Variants in CYP4F11 observed in about 807,000 individuals in gnomAD.
CYP4F11 encodes cytochrome P450 family 4 subfamily F member 11, also known as cytochrome P450 4F11.
Under a neutral mutation model 62.2 loss-of-function variants are expected in CYP4F11, and 79 were observed. The ratio of observed to expected loss-of-function variants is 1.27; its 90% CI spans 1.06 to 1.53. The LOEUF (loss-of-function observed/expected upper bound fraction) is 1.53, where lower values mean the gene tolerates loss of function less well. Ranked by LOEUF, CYP4F11 falls within the 40% of genes most tolerant of loss-of-function variation. The pLI, the probability that CYP4F11 is intolerant of heterozygous loss-of-function variation, is 0.00. For synonymous variants in CYP4F11, 290 were observed against 263.7 expected (o/e 1.10, Z -0.97); for missense variants, 777 against 680.5 (o/e 1.14, Z -1.58).
At chr19:15,927,372 C>A (rs529794880) in intron 3 of CYP4F11, 33 bp from the exon 4 acceptor site, 1 of 1,613,794 alleles carries the variant, frequency 6.2e-7, no homozygotes, top group Non-Finnish European at 8.5e-7. Context: ...TGGTCAAGGG[C>A]AGCACCCTCC....
chr19:15,923,238 C>CCTCTCTCTCTCTCTCTCTCTCT (rs3056063), intron 6 of CYP4F11, among the ~76,000 whole-genome samples: 16 of 110,510 alleles, frequency 1.4e-4, no homozygotes, highest in African/African-American at 5.0e-4. Context: ...AAGCAAACAT[C>CCTCTCTCTCTCTCTCTCTCTCT]CTCTCTCTCT....
rs1025876665 is a variant in CYP4F11 at position 15,934,477 on chromosome 19, C to T, written c.-69G>A. ...GGAAGGGCCCAGGAAGCTCCAAGGA[C>T]AGTGGAAAGGGGCAAGGATGGGCAG... On this transcript the variant is annotated 5_prime_UTR_variant, in exon 1 of 12. Transcript: ENST00000402119. 4 of 1,568,080 alleles carry T rather than the reference C, an allele frequency of 2.6e-6. No homozygotes were observed. The highest frequency in any genetic ancestry group is 2.6e-6 in the Non-Finnish European group (3 of 1,160,884).
In CYP4F11 at chr19:15,922,379, T is replaced by G. The variant is rs767635975; in HGVS notation, c.970A>C (p.Thr324Pro). 3.1e-6 allele frequency: 5 copies of G among 1,614,146 alleles called. No individual in the cohort carries two copies. The South Asian group carries it at 5.5e-5, about 18-fold the overall frequency. Residue 324 changes from threonine to proline, a missense_variant, in exon 7 of 12, where the codon ACC (threonine) becomes CCC (proline). By Grantham distance (38) the Thr-to-Pro change is conservative. Transcript: ENST00000402119. Reference protein sequence around the residue: ...SDEDIRAEADTFMFEGHDTTA... With the variant: ...SDEDIRAEADPFMFEGHDTTA... ...AGACCCTCACCCTCAAACATGAAGG[T>G]GTCAGCTTCTGCTCTTATGTCCTCA... is the stretch of plus-strand genomic sequence containing the variant.
chr19:15,934,404 G>C lies in CYP4F11; in HGVS notation c.5C>G (p.Pro2Arg), dbSNP rs371110390. Residue 2 changes from proline (P) to arginine (R), a missense_variant, in exon 1 of 12, where the codon CCG (proline) becomes CGG (arginine). Physicochemically the swap from Pro to Arg is moderately radical, Grantham distance 103 (BLOSUM62 -2). Transcript: ENST00000402119. ...GCCCAGCCAGGACAGGCTCAGCTGC[G>C]GCATCCTGCAGGGCAGACGGGATGG... M[P>R]QLSLSWLGLG... The C allele has an allele frequency of 5.0e-6, 8 of 1,612,934 alleles. No homozygotes were observed. Among genetic ancestry groups the C allele is most frequent in the African/African-American group, 1.3e-5 (1 of 74,854 alleles).
At chr19:15,927,151 A>C in intron 4 of CYP4F11, 61 bp downstream of exon 4, 1 of 1,578,866 alleles carries the variant, frequency 6.3e-7, no homozygotes. Context: ...TCCAGAGCAG[A>C]TATGCCTGTG....
chr19:15,934,467 G>A lies in CYP4F11; in HGVS notation c.-59C>T. 2 of 1,589,756 alleles carry A rather than the reference G, an allele frequency of 1.3e-6. No homozygotes were observed. Among genetic ancestry groups the A allele is most frequent in the Non-Finnish European group, 1.7e-6 (2 of 1,170,272 alleles). ...TGAGGCCCAGGGAAGGGCCCAGGAA[G>A]CTCCAAGGACAGTGGAAAGGGGCAA... On this transcript the variant is annotated 5_prime_UTR_variant, in exon 1 of 12. Coordinates refer to ENST00000402119, the MANE Select transcript of CYP4F11 (RefSeq NM_021187.4).
rs753682001 is a variant in CYP4F11 at position 15,922,063 on chromosome 19, C to T, written c.1089G>A (p.Lys363=). The change falls in exon 8 of 12, where the codon AAG becomes AAA. Residue 363 remains lysine, a synonymous_variant. Coordinates refer to ENST00000402119, the MANE Select transcript of CYP4F11 (RefSeq NM_021187.4). ...QCRQEVQELL[K]DREPIEIEWD... is the part of the protein sequence containing the mutation. Reference sequence around the variant, plus strand: ...ATTCAATCTCTATAGGTTCACGGTCCTTCAGAAGCTCTTGCACTTCTTGCC... The same window carrying T: ...ATTCAATCTCTATAGGTTCACGGTCTTTCAGAAGCTCTTGCACTTCTTGCC... The T allele has an allele frequency of 2.5e-6, 4 of 1,612,830 alleles. No individual in the cohort carries two copies. The highest frequency in any genetic ancestry group is 1.7e-4 in the Middle Eastern group (1 of 6,048).
chr19:15,930,873 G>A (rs762388798), intron 1 of CYP4F11, among the ~76,000 whole-genome samples: 3 of 152,134 alleles, frequency 2.0e-5, no homozygotes, highest in South Asian at 2.1e-4. Flanking sequence ...GCCCCCAGGC[G>A]TAGAGGAGTG....
intron 4 of CYP4F11, 144 bp from the exon 5 acceptor site, chr19:15,925,026 A>C: frequency 1.1e-6 from 1 of 914,432 alleles, no homozygotes; most frequent in Non-Finnish European, 1.5e-6. Flanking sequence ...CCAGCCTTGG[A>C]TAGGAGCAGA....
intron 11 of CYP4F11, 58 bp downstream of exon 11, chr19:15,914,247 C>A: frequency 5.1e-6 from 8 of 1,565,684 alleles, no homozygotes; most frequent in Non-Finnish European, 7.0e-6. Context: ...TAACTTCCCC[C>A]TTTTTGGACC....
chr19:15,931,572 A>ATGAG lies in CYP4F11; in HGVS notation c.199-1975_199-1972dup, dbSNP rs1189553045. 8.6e-5 allele frequency among the ~76,000 whole-genome samples: 10 copies of ATGAG among 116,386 alleles called. 1 individual carries two copies. Among genetic ancestry groups the ATGAG allele is most frequent in the Admixed American group, 5.9e-4 (7 of 11,896 alleles). 76.4% of individuals were successfully genotyped at this position (116,386 alleles called of 152,430 possible). A position where few individuals can be genotyped will look rare whatever the true frequency, so the allele number is the denominator to read the frequency against. On this transcript the variant is annotated intron_variant, in intron 1 of 11. Transcript: ENST00000402119. ...GAGGAATGAGTGAGCGAGGAGAGGA[A>ATGAG]TGAGTGAGCGAGGAGAGGAATGAGT...
rs1429368870 is a variant in CYP4F11, at chr19:15,923,899, G to A, written c.831C>T (p.Thr277=). 1 of 1,614,138 alleles carries A rather than the reference G, an allele frequency of 6.2e-7. No homozygotes were observed. The highest frequency in any genetic ancestry group is 8.5e-7 in the Non-Finnish European group (1 of 1,180,030). ...TDAVIQERRC[T]LPTQGIDDFL... ...AATCATCAATACCCTGAGTGGGGAG[G>A]GTGCAGCGCCGCTCCTGGATGACGG... Residue 277 remains threonine, a synonymous_variant, in exon 6 of 12, where the codon ACC becomes ACT. Transcript: ENST00000402119.
Position 15,934,486 on chromosome 19 carries a change from G to A in CYP4F11, c.-78C>T. The A allele has an allele frequency of 1.3e-6, 2 of 1,530,322 alleles. No homozygotes were observed. The highest frequency in any genetic ancestry group is 1.4e-5 in the African/African-American group (1 of 71,658). 94.8% of individuals were successfully genotyped at this position (1,530,322 alleles called of 1,614,324 possible). A position where few individuals can be genotyped will look rare whatever the true frequency, so the allele number is the denominator to read the frequency against. On this transcript the variant is annotated 5_prime_UTR_variant, in exon 1 of 12. Coordinates refer to ENST00000402119, the MANE Select transcript of CYP4F11 (RefSeq NM_021187.4). ...CAGGAAGCTCCAAGGACAGTGGAAA[G>A]GGGCAAGGATGGGCAGTGCTGGAGG...
chr19:15,934,838 C>T (rs1599385874), upstream of CYP4F11: 1 of 177,318 alleles, frequency 5.6e-6, no homozygotes, highest in African/African-American at 2.4e-5. Flanking sequence ...ATACCCTCCT[C>T]TCCCCCTCTG....
At chr19:15,925,729 TACACACACAC>T (rs61395286) in intron 4 of CYP4F11, among the ~76,000 whole-genome samples, 6 of 142,928 alleles carry the variant, frequency 4.2e-5, no homozygotes, top group South Asian at 4.6e-4. Flanking sequence ...TACATATATG[TACACACACAC>T]ACACACACAC....
intron 1 of CYP4F11, among the ~76,000 whole-genome samples, chr19:15,930,963 A>G (rs980858282): frequency 4.6e-5 from 7 of 152,202 alleles, no homozygotes; most frequent in African/African-American, 1.7e-4. Flanking sequence ...CACTGCACCG[A>G]TGGACACGCC....
intron 1 of CYP4F11, among the ~76,000 whole-genome samples, chr19:15,930,820 C>T (rs1382610927): frequency 1.3e-5 from 2 of 152,122 alleles, no homozygotes; most frequent in African/African-American, 2.4e-5. Context: ...TGGTCCCCAC[C>T]AGCGGCTGTT....
At chr19:15,925,829 C>T (rs2089664953) in intron 4 of CYP4F11, among the ~76,000 whole-genome samples, 1 of 151,072 alleles carries the variant, frequency 6.6e-6, no homozygotes, top group African/African-American at 2.4e-5. Context: ...AAGGCAATGA[C>T]TGCTCCTGGA....
intron 6 of CYP4F11, among the ~76,000 whole-genome samples, chr19:15,923,018 T>C (rs982547528): frequency 3.3e-5 from 5 of 152,030 alleles, no homozygotes; most frequent in African/African-American, 1.2e-4. Flanking sequence ...ACCATTGCAC[T>C]CCAGCCTAGG....
Sources: allele counts gnomAD v4.1 joint callset (sites outside exome capture counted in the v4.1 genomes callset), GRCh38; gene constraint gnomAD v4.1.1; transcripts MANE v1.5; gene names NCBI Gene and HGNC (gene_info 2026-07-23, HGNC 2026-07-21).